Variants in CNTNAP2 observed in about 807,000 individuals in gnomAD.
CNTNAP2 encodes contactin associated protein 2, also known as contactin-associated protein-like 2.
Under a neutral mutation model 155.2 loss-of-function variants are expected in CNTNAP2, and 98 were observed. The observed-to-expected ratio is 0.63, with a 90% CI of 0.54 to 0.75. The LOEUF (loss-of-function observed/expected upper bound fraction) is 0.75. Among genes scored for constraint, CNTNAP2 ranks in the 30% least tolerant of loss-of-function variants. The pLI is 0.00. For missense variants in CNTNAP2, 1,727 were observed against 1,688.1 expected (o/e 1.02, Z -0.40); for synonymous variants, 651 against 631.2 (o/e 1.03, Z -0.47).
intron 1 of CNTNAP2, among the ~76,000 whole-genome samples, chr7:146,356,506 C>T (rs1795000506): frequency 6.6e-6 from 1 of 152,124 alleles, no homozygotes. Context: ...CTCTCTCAAA[C>T]ATTGACATGA....
At chr7:146,653,868 A>G (rs1314002669) in intron 1 of CNTNAP2, among the ~76,000 whole-genome samples, 4 of 152,210 alleles carry the variant, frequency 2.6e-5, no homozygotes, top group Non-Finnish European at 1.5e-5. Context: ...AAGGTAAGGT[A>G]TTTGCTAGGA....
intron 1 of CNTNAP2, among the ~76,000 whole-genome samples, chr7:146,346,540 G>A (rs1427636600): frequency 6.6e-6 from 1 of 152,050 alleles, no homozygotes; most frequent in African/African-American, 2.4e-5. Context: ...AAATTAGCTG[G>A]GAGTGATTGT....
intron 23 of CNTNAP2, among the ~76,000 whole-genome samples, chr7:148,412,678 T>G (rs1246400231): frequency 6.6e-6 from 1 of 152,256 alleles, no homozygotes; most frequent in Non-Finnish European, 1.5e-5. Context: ...TTCTTTCCAG[T>G]CTATATCCTT....
At chr7:147,403,519 G>A (rs2116472384) in intron 10 of CNTNAP2, among the ~76,000 whole-genome samples, 1 of 152,328 alleles carries the variant, frequency 6.6e-6, no homozygotes, top group Admixed American at 6.5e-5. Flanking sequence ...CCAACCAGCA[G>A]ACAGTACCTC....
chr7:147,655,285 G>A (rs1795508759), intron 13 of CNTNAP2, among the ~76,000 whole-genome samples: 1 of 151,904 alleles, frequency 6.6e-6, no homozygotes. Context: ...ACCACGCTTA[G>A]CTAATGTTTG....
rs553551915 is a variant in CNTNAP2, at chr7:147,441,997, G to T, written c.1671-43938G>T. ...CAGCACTGGGTCCTACGCAGCATCT[G>T]TTGTAATCACTCTCTGGCTACTGCC... On this transcript the variant is annotated intron_variant, in intron 10 of 23. Transcript: ENST00000361727. Among the ~76,000 whole-genome samples, 3 of 151,932 alleles carry T rather than the reference G, an allele frequency of 2.0e-5. 1 individual carries two copies. The highest frequency in any genetic ancestry group is 4.4e-5 in the Non-Finnish European group (3 of 68,006).
At chr7:146,345,196 C>T (rs887294372) in intron 1 of CNTNAP2, among the ~76,000 whole-genome samples, 1 of 152,070 alleles carries the variant, frequency 6.6e-6, no homozygotes, top group African/African-American at 2.4e-5. Context: ...ACAAGAGATA[C>T]CATGGCCTGA....
chr7:146,249,155 C>T (rs1262560330), intron 1 of CNTNAP2, among the ~76,000 whole-genome samples: 2 of 152,194 alleles, frequency 1.3e-5, no homozygotes, highest in South Asian at 4.1e-4. Flanking sequence ...AAGGCAGGAA[C>T]CGGCCATCTG....
chr7:147,676,109 A>T (rs1478905669), intron 13 of CNTNAP2, among the ~76,000 whole-genome samples: 1 of 135,272 alleles, frequency 7.4e-6, no homozygotes, highest in Admixed American at 7.1e-5. Context: ...ATTTCTATAG[A>T]GTTCTTCTTT....
intron 1 of CNTNAP2, among the ~76,000 whole-genome samples, chr7:146,268,263 A>G (rs1344174147): frequency 6.6e-6 from 1 of 152,116 alleles, no homozygotes; most frequent in Non-Finnish European, 1.5e-5. Flanking sequence ...TATCGTAGTT[A>G]CCTTTGCTCT....
chr7:147,168,934 C>A (rs1802174467), intron 8 of CNTNAP2, among the ~76,000 whole-genome samples: 1 of 151,968 alleles, frequency 6.6e-6, no homozygotes, highest in Admixed American at 6.6e-5. Context: ...TAGGCTATAC[C>A]ATCAATAAGA....
At chr7:146,818,049 G>T (rs1803207798) in intron 2 of CNTNAP2, among the ~76,000 whole-genome samples, 1 of 152,138 alleles carries the variant, frequency 6.6e-6, no homozygotes, top group South Asian at 2.1e-4. Flanking sequence ...AATACTAGTA[G>T]TGTGGTTAAG....
chr7:147,108,238 G>T lies in CNTNAP2; in HGVS notation c.642G>T (p.Leu214Phe). The T allele has an allele frequency of 2.5e-6, 4 of 1,613,548 alleles. No individual in the cohort carries two copies. Among genetic ancestry groups the T allele is most frequent in the Non-Finnish European group, 3.4e-6 (4 of 1,179,724 alleles). ...AAACACTGAAAGATGTCATTGCCTT[G>T]AACTTTAAGACGTCTGAAAGTGAAG... ...KMKTLKDVIA[L>F]NFKTSESEGV... is the part of the protein sequence containing the mutation. The change falls in exon 5 of 24, where the codon TTG (leucine) becomes TTT (phenylalanine). Residue 214 changes from leucine (L) to phenylalanine (F), a missense_variant. Coordinates refer to ENST00000361727, the MANE Select transcript of CNTNAP2 (RefSeq NM_014141.6).
chr7:146,503,405 T>C (rs552077678), intron 1 of CNTNAP2, among the ~76,000 whole-genome samples: 1 of 152,320 alleles, frequency 6.6e-6, no homozygotes, highest in Non-Finnish European at 1.5e-5. Flanking sequence ...TTTGTTTAGC[T>C]CATCAGCTAT....
At chr7:147,888,212 A>AT (rs1799630665) in intron 13 of CNTNAP2, among the ~76,000 whole-genome samples, 3 of 101,146 alleles carry the variant, frequency 3.0e-5, no homozygotes, top group African/African-American at 1.4e-4. Context: ...GATTGAAAAA[A>AT]ATTTTAAAGA....
intron 15 of CNTNAP2, among the ~76,000 whole-genome samples, chr7:148,080,656 A>C (rs532493049): frequency 6.6e-6 from 1 of 152,128 alleles, no homozygotes; most frequent in South Asian, 2.1e-4. Context: ...AGCCTGATGC[A>C]CTACCTACCT....
intron 13 of CNTNAP2, among the ~76,000 whole-genome samples, chr7:147,652,999 G>A (rs1387704565): frequency 1.3e-5 from 2 of 151,964 alleles, no homozygotes; most frequent in Non-Finnish European, 2.9e-5. Flanking sequence ...GCCCTGACAA[G>A]TATATTAAAA....
chr7:146,890,895 C>T (rs538133166), intron 3 of CNTNAP2, among the ~76,000 whole-genome samples: 5 of 152,076 alleles, frequency 3.3e-5, no homozygotes, highest in Admixed American at 3.3e-4. Flanking sequence ...TGGGTATATA[C>T]CCAAAGGAAA....
intron 21 of CNTNAP2, among the ~76,000 whole-genome samples, chr7:148,357,851 T>C (rs1184958934): frequency 1.3e-5 from 2 of 152,240 alleles, no homozygotes; most frequent in Non-Finnish European, 2.9e-5. Context: ...CATGTGTATG[T>C]TTGTATGCAG....
Sources: allele counts gnomAD v4.1 joint callset (sites outside exome capture counted in the v4.1 genomes callset), GRCh38; gene constraint gnomAD v4.1.1; transcripts MANE v1.5; gene names NCBI Gene and HGNC (gene_info 2026-07-23, HGNC 2026-07-21).